RHOU: variants seen among roughly 807,000 people sequenced by gnomAD.
RHOU encodes the protein ras homolog family member U.
Under a neutral mutation model 12.6 loss-of-function variants are expected in RHOU, and 8 were observed. That is an observed-to-expected ratio of 0.64 (90% confidence interval 0.37 to 1.15). RHOU has a LOEUF of 1.15. RHOU is among the 50% of genes most tolerant of loss of function. RHOU has a pLI of 0.01. For synonymous variants in RHOU, 161 were observed against 147.4 expected, an observed-to-expected ratio of 1.09 and a Z score of -0.67; for missense variants, 258 against 347.0, an observed-to-expected ratio of 0.74 and a Z score of 2.04.
the RHOU span, among the ~76,000 whole-genome samples, chr1:228,689,717 G>A: frequency 1.3e-5 from 2 of 151,834 alleles, no homozygotes; most frequent in East Asian, 1.9e-4. Context: ...AACTGTGCAT[G>A]TGAGGGATCT....
the RHOU span, among the ~76,000 whole-genome samples, chr1:228,720,637 G>A: frequency 6.6e-6 from 1 of 152,308 alleles, no homozygotes; most frequent in East Asian, 1.9e-4. Flanking sequence ...AACCAGCCCT[G>A]CCGAAATACT....
At chr1:228,705,826 CT>C in the RHOU span, among the ~76,000 whole-genome samples, 1 of 152,210 alleles carries the variant, frequency 6.6e-6, no homozygotes, top group East Asian at 1.9e-4. Flanking sequence ...GGCAGATCAC[CT>C]GAGGTCAGGA....
At position 228,745,910 on chromosome 1, in the gene RHOU, C is replaced by A. The variant is rs867437874; in HGVS notation, c.*2170C>A. On this transcript the variant is annotated 3_prime_UTR_variant, in exon 3 of 3. Transcript: ENST00000366691. ...CACAAAACTTGAAAGAAGTTTTATG[C>A]GTGTGACAGTGTATGGGGCTGCAGT... is the stretch of plus-strand genomic sequence containing the variant. 6.6e-6 allele frequency: 1 copy of A among 152,212 alleles called. No homozygotes were observed. Among genetic ancestry groups the A allele is most frequent in the Non-Finnish European group, 1.5e-5 (1 of 68,042 alleles). The allele number at this position is 152,212 out of a possible 1,614,324, so 9.4% of individuals were successfully genotyped here.
the RHOU span, among the ~76,000 whole-genome samples, chr1:228,663,481 G>T: frequency 6.6e-6 from 1 of 151,888 alleles, no homozygotes; most frequent in Admixed American, 6.6e-5. Context: ...AATCGGAAAA[G>T]TTAAGCATAT....
the RHOU span, among the ~76,000 whole-genome samples, chr1:228,670,303 C>G: frequency 6.6e-6 from 1 of 152,130 alleles, no homozygotes; most frequent in Admixed American, 6.6e-5. Flanking sequence ...TTAAGGCCAC[C>G]CCCTTTCCTC....
At chr1:228,683,696 C>A in the RHOU span, among the ~76,000 whole-genome samples, 3 of 152,160 alleles carry the variant, frequency 2.0e-5, no homozygotes, top group African/African-American at 7.2e-5. Flanking sequence ...TGGCAAAATC[C>A]AAATTTTTCC....
At chr1:228,680,222 G>C in the RHOU span, among the ~76,000 whole-genome samples, 1 of 152,168 alleles carries the variant, frequency 6.6e-6, no homozygotes, top group South Asian at 2.1e-4. Flanking sequence ...GGCAGCATCA[G>C]ATCTGGAAGG....
the RHOU span, among the ~76,000 whole-genome samples, chr1:228,705,815 G>C: frequency 9.2e-5 from 14 of 152,242 alleles, no homozygotes; most frequent in South Asian, 2.9e-3. Flanking sequence ...AGGCCGAGAC[G>C]GGCAGATCAC....
chr1:228,725,944 G>A, the RHOU span, among the ~76,000 whole-genome samples: 2 of 152,250 alleles, frequency 1.3e-5, no homozygotes, highest in Middle Eastern at 3.4e-3. Flanking sequence ...TATGATAAAT[G>A]TTCTACTTCT....
At chr1:228,692,510 G>A in the RHOU span, among the ~76,000 whole-genome samples, 2 of 152,126 alleles carry the variant, frequency 1.3e-5, no homozygotes, top group South Asian at 4.1e-4. Flanking sequence ...TGGCCACAGA[G>A]ATTAGAGATA....
the RHOU span, among the ~76,000 whole-genome samples, chr1:228,706,440 G>A: frequency 4.2e-4 from 64 of 152,284 alleles, no homozygotes; most frequent in South Asian, 0.012. Context: ...GGTGAGATGC[G>A]GAAACAGCTA....
Position 228,735,594 on chromosome 1 carries a change from CCGTGCG to C in RHOU, c.-148_-143del. On this transcript the variant is annotated 5_prime_UTR_variant, in exon 1 of 3. Transcript: ENST00000366691. The surrounding 1 kb of genome is among the most constrained non-coding windows in gnomAD (Gnocchi z 8.1). ...CTCCCTGGCCGCCTTTGTCTACTGG[CCGTGCG>C]GCCCGGAACCGCCACTCTCCAGGGC... 1 of 521,732 alleles carries C rather than the reference CCGTGCG, an allele frequency of 1.9e-6. No homozygotes were observed. The highest frequency in any genetic ancestry group is 2.8e-6 in the Non-Finnish European group (1 of 363,496). 32.3% of individuals were successfully genotyped at this position (521,732 alleles called of 1,614,324 possible). A position where few individuals can be genotyped will look rare whatever the true frequency, so the allele number is the denominator to read the frequency against.
At chr1:228,646,853 A>T in the RHOU span, among the ~76,000 whole-genome samples, 3 of 151,926 alleles carry the variant, frequency 2.0e-5, no homozygotes, top group Admixed American at 1.3e-4. Flanking sequence ...GAAGGAGAGC[A>T]AGGAGAAGAT....
the RHOU span, among the ~76,000 whole-genome samples, chr1:228,698,421 G>A: frequency 1.1e-4 from 16 of 152,176 alleles, no homozygotes; most frequent in Non-Finnish European, 5.9e-5. Flanking sequence ...TTATCTATGT[G>A]TAACCAGAAG....
chr1:228,688,760 C>G, the RHOU span, among the ~76,000 whole-genome samples: 161 of 152,282 alleles, frequency 1.1e-3, no homozygotes, highest in East Asian at 3.7e-3. Context: ...CAAAATGGTG[C>G]TTTTCTCTGC....
At chr1:228,682,109 C>T in the RHOU span, among the ~76,000 whole-genome samples, 18 of 152,074 alleles carry the variant, frequency 1.2e-4, no homozygotes, top group Admixed American at 2.6e-4. Flanking sequence ...AAATGTGTCT[C>T]GTTTGTCTCT....
chr1:228,740,270 T>C (rs1422641004), intron 2 of RHOU, among the ~76,000 whole-genome samples: 1 of 152,206 alleles, frequency 6.6e-6, no homozygotes, highest in Non-Finnish European at 1.5e-5. Flanking sequence ...TTGAAAATTA[T>C]TCTTCTGGCC....
chr1:228,673,581 T>G, the RHOU span, among the ~76,000 whole-genome samples: 1 of 152,182 alleles, frequency 6.6e-6, no homozygotes, highest in South Asian at 2.1e-4. Context: ...GAGAGAGTTT[T>G]CAAGAGAGCT....
At chr1:228,707,113 T>TAC in the RHOU span, among the ~76,000 whole-genome samples, 141 of 94,536 alleles carry the variant, frequency 1.5e-3, 3 homozygotes, top group African/African-American at 7.2e-3. Context: ...TACATATATA[T>TAC]ATATATATAT....
Sources: allele counts gnomAD v4.1 joint callset (sites outside exome capture counted in the v4.1 genomes callset), GRCh38; gene constraint gnomAD v4.1.1; non-coding constraint Gnocchi (gnomAD v3.1); transcripts MANE v1.5; gene names NCBI Gene and HGNC (gene_info 2026-07-23, HGNC 2026-07-21).